XPR1: variants seen among roughly 807,000 people sequenced by gnomAD.
XPR1 encodes the protein solute carrier family 53 member 1.
Under a neutral mutation model 87.5 loss-of-function variants are expected in XPR1, and 28 were observed. That is an observed-to-expected ratio of 0.32 (90% confidence interval 0.24 to 0.44). The LOEUF is 0.44. XPR1 is among the 20% of genes least tolerant of loss of function. XPR1 has a pLI of 1.00. For missense variants in XPR1, 559 were observed against 862.3 expected (o/e 0.65, Z 4.41); for synonymous variants, 300 against 306.1 (o/e 0.98, Z 0.21).
chr1:180,676,421 A>G (rs1437310497), intron 1 of XPR1, among the ~76,000 whole-genome samples: 5 of 152,170 alleles, frequency 3.3e-5, no homozygotes, highest in South Asian at 2.1e-4. Flanking sequence ...TTCTGTAACT[A>G]TTCTCTGGCT....
rs1653965644 is a variant in XPR1 at position 180,888,693 on chromosome 1, G to A, written c.*4627G>A. ...TTAGCTAAGACAAGGAGTGTTAAAGGTTTTCTAAATGCAAACACATACGTT... is the reference window on the plus strand; with the variant it reads ...TTAGCTAAGACAAGGAGTGTTAAAGATTTTCTAAATGCAAACACATACGTT... On this transcript the variant is annotated 3_prime_UTR_variant, in exon 15 of 15. Transcript: ENST00000367590. 6.6e-6 allele frequency: 1 copy of A among 152,100 alleles called. No homozygotes were observed. The highest frequency in any genetic ancestry group is 2.4e-5 in the African/African-American group (1 of 41,418). The allele number at this position is 152,100 out of a possible 1,614,324, so 9.4% of individuals were successfully genotyped here.
chr1:180,779,264 CTTTG>C (rs1392830088), intron 2 of XPR1, among the ~76,000 whole-genome samples: 1 of 152,066 alleles, frequency 6.6e-6, no homozygotes, highest in Non-Finnish European at 1.5e-5. Context: ...GTCTATAATT[CTTTG>C]TTTACTTGTG....
At chr1:180,875,089 A>G (rs988766817) in intron 13 of XPR1, among the ~76,000 whole-genome samples, 1 of 152,226 alleles carries the variant, frequency 6.6e-6, no homozygotes, top group Non-Finnish European at 1.5e-5. Flanking sequence ...ACACTGTGCC[A>G]TAAAGGAAGT....
chr1:180,680,421 A>C (rs1278196074), intron 1 of XPR1, among the ~76,000 whole-genome samples: 4 of 124,628 alleles, frequency 3.2e-5, no homozygotes, highest in African/African-American at 1.3e-4. Context: ...ACTGGGATGC[A>C]GTGGTGCGAT....
At chr1:180,727,586 G>A (rs1333508384) in intron 2 of XPR1, among the ~76,000 whole-genome samples, 1 of 152,160 alleles carries the variant, frequency 6.6e-6, no homozygotes, top group Non-Finnish European at 1.5e-5. Flanking sequence ...AGAGGTTGCA[G>A]TGAGCCGAGA....
In XPR1 at chr1:180,674,450, G is replaced by A. The variant is rs185708266; in HGVS notation, c.70-7910G>A. Among the ~76,000 whole-genome samples the A allele has an allele frequency of 1.3e-4, 20 of 152,192 alleles. No individual in the cohort carries two copies. In the East Asian group the frequency reaches 3.3e-3, roughly 25 times the overall value. ...ATGTTTGTATTTTTAGTAGAGACAA[G>A]GTTTCACCATGTTGGCAAGGCTGGT... On this transcript the variant is annotated intron_variant, in intron 1 of 14. Transcript: ENST00000367590.
At chr1:180,803,018 CAT>C (rs1445204558) in intron 3 of XPR1, among the ~76,000 whole-genome samples, 2 of 152,074 alleles carry the variant, frequency 1.3e-5, no homozygotes, top group Non-Finnish European at 2.9e-5. Context: ...TTCCTGTGAG[CAT>C]ATGTTTTCAG....
At chr1:180,686,393 T>A (rs938764910) in intron 2 of XPR1, among the ~76,000 whole-genome samples, 20 of 152,000 alleles carry the variant, frequency 1.3e-4, no homozygotes, top group Non-Finnish European at 1.9e-4. Flanking sequence ...TGCTGAGGAG[T>A]GCTTTACTTC....
chr1:180,654,229 A>G (rs1655378813), intron 1 of XPR1, among the ~76,000 whole-genome samples: 1 of 152,138 alleles, frequency 6.6e-6, no homozygotes, highest in South Asian at 2.1e-4. Flanking sequence ...AGCCTAATCT[A>G]ACCTAGCTTC....
chr1:180,853,115 AC>A (rs1169592176), intron 11 of XPR1, among the ~76,000 whole-genome samples: 2 of 152,032 alleles, frequency 1.3e-5, no homozygotes, highest in Non-Finnish European at 2.9e-5. Context: ...TTTAGGAGAG[AC>A]GGGTATTCGC....
chr1:180,791,795 A>G (rs988063442), intron 3 of XPR1, among the ~76,000 whole-genome samples: 1 of 152,210 alleles, frequency 6.6e-6, no homozygotes, highest in African/African-American at 2.4e-5. Context: ...ATTATGATCC[A>G]CTAAATTGGT....
At chr1:180,762,216 A>C (rs1475553055) in intron 2 of XPR1, among the ~76,000 whole-genome samples, 1 of 152,002 alleles carries the variant, frequency 6.6e-6, no homozygotes, top group Non-Finnish European at 1.5e-5. Context: ...GCACATGTAT[A>C]CATATGTAAC....
intron 11 of XPR1, among the ~76,000 whole-genome samples, chr1:180,863,504 T>C (rs1444788192): frequency 2.0e-5 from 3 of 152,198 alleles, no homozygotes; most frequent in Non-Finnish European, 4.4e-5. Context: ...ATGTATTCAA[T>C]AAATGTTTGA....
chr1:180,757,202 GACATTTCA>G (rs1422465506), intron 2 of XPR1, among the ~76,000 whole-genome samples: 1 of 152,086 alleles, frequency 6.6e-6, no homozygotes, highest in African/African-American at 2.4e-5. Flanking sequence ...AAGTAGGGGT[GACATTTCA>G]ACAATAAGTA....
chr1:180,787,650 T>C, intron 2 of XPR1, 103 bp from the exon 3 acceptor site: 1 of 770,676 alleles, frequency 1.3e-6, no homozygotes, highest in Non-Finnish European at 2.1e-6. Context: ...ACATATAAAG[T>C]TGTCATTTTA....
At chr1:180,632,825 G>C (rs936016107) in intron 1 of XPR1, among the ~76,000 whole-genome samples, 31 of 152,228 alleles carry the variant, frequency 2.0e-4, no homozygotes, top group Admixed American at 2.0e-4. Flanking sequence ...GCTTTGTAAC[G>C]GGGTTGAAAC....
At chr1:180,647,030 G>A (rs1571674654) in intron 1 of XPR1, among the ~76,000 whole-genome samples, 1 of 152,240 alleles carries the variant, frequency 6.6e-6, no homozygotes, top group Non-Finnish European at 1.5e-5. Context: ...TGTAATTGCA[G>A]CTGCTTCACA....
At chr1:180,882,997 C>G (rs1652892249) in intron 14 of XPR1, among the ~76,000 whole-genome samples, 2 of 149,876 alleles carry the variant, frequency 1.3e-5, no homozygotes, top group Admixed American at 1.3e-4. Context: ...TGGTCTCAGT[C>G]TGTCACCTAG....
At chr1:180,808,761 T>C (rs1650093587) in intron 6 of XPR1, among the ~76,000 whole-genome samples, 1 of 152,204 alleles carries the variant, frequency 6.6e-6, no homozygotes. Flanking sequence ...CATTGTCTGT[T>C]AGAATGATTA....
Sources: allele counts gnomAD v4.1 joint callset (sites outside exome capture counted in the v4.1 genomes callset), GRCh38; gene constraint gnomAD v4.1.1; transcripts MANE v1.5; gene names NCBI Gene and HGNC (gene_info 2026-07-23, HGNC 2026-07-21).